The following LARGE1 variants were observed in gnomAD, a reference collection of about 807,000 sequenced individuals.
LARGE1 encodes the protein LARGE xylosyl- and glucuronyltransferase 1.
LARGE1 carries 43 observed loss-of-function variants against 87.6 expected under a neutral mutation model. The ratio of observed to expected loss-of-function variants is 0.49; its 90% CI spans 0.38 to 0.63. The LOEUF (loss-of-function observed/expected upper bound fraction) is 0.63. LARGE1 is among the 30% of genes least tolerant of loss of function. LARGE1 has a pLI of 0.00. For synonymous variants in LARGE1, 434 were observed against 394.6 expected (o/e 1.10, Z -1.18); for missense variants, 802 against 1,000.2 (o/e 0.80, Z 2.67).
At chr22:33,545,449 C>CACACAA (rs1173952096) in intron 6 of LARGE1, among the ~76,000 whole-genome samples, 147 of 138,702 alleles carry the variant, frequency 1.1e-3, no homozygotes, top group African/African-American at 3.5e-3. Flanking sequence ...CACACACACA[C>CACACAA]AATTTCTTCT....
intron 11 of LARGE1, among the ~76,000 whole-genome samples, chr22:33,180,746 A>G (rs1341185537): frequency 6.6e-6 from 1 of 152,198 alleles, no homozygotes; most frequent in African/African-American, 2.4e-5. Context: ...GGCAATTAAA[A>G]GGAATGTAGT....
intron 4 of LARGE1, among the ~76,000 whole-genome samples, chr22:33,608,749 C>T (rs1184366604): frequency 6.6e-6 from 1 of 152,162 alleles, no homozygotes; most frequent in East Asian, 1.9e-4. Flanking sequence ...GGAGTTTGGA[C>T]TATGTTCCAG....
intron 1 of LARGE1, among the ~76,000 whole-genome samples, chr22:33,870,623 C>T (rs1330396718): frequency 1.3e-5 from 2 of 152,102 alleles, no homozygotes; most frequent in African/African-American, 2.4e-5. Flanking sequence ...GGCTGGAGTA[C>T]AGTAGCGCAA....
chr22:33,594,498 T>A (rs1202131840), intron 5 of LARGE1, among the ~76,000 whole-genome samples: 2 of 152,196 alleles, frequency 1.3e-5, no homozygotes, highest in Non-Finnish European at 2.9e-5. Flanking sequence ...TCATCATAAT[T>A]TCCAGTTTAC....
intron 6 of LARGE1, among the ~76,000 whole-genome samples, chr22:33,534,888 C>T (rs1245541609): frequency 6.6e-6 from 1 of 152,222 alleles, no homozygotes; most frequent in African/African-American, 2.4e-5. Context: ...ACTGGCAGTG[C>T]TGAAATGCAG....
chr22:33,190,140 CA>C (rs1923699676), intron 11 of LARGE1, among the ~76,000 whole-genome samples: 1 of 150,810 alleles, frequency 6.6e-6, no homozygotes, highest in Non-Finnish European at 1.5e-5. Context: ...ACTGTATAAA[CA>C]AAACATTTTT....
chr22:33,836,911 T>G (rs374334783), intron 1 of LARGE1, among the ~76,000 whole-genome samples: 45 of 152,158 alleles, frequency 3.0e-4, no homozygotes, highest in African/African-American at 1.1e-3. Flanking sequence ...ATAAGCCAGT[T>G]CAGATAATAG....
chr22:33,735,217 T>C (rs1000985779), intron 2 of LARGE1, among the ~76,000 whole-genome samples: 2 of 152,180 alleles, frequency 1.3e-5, no homozygotes, highest in Admixed American at 6.5e-5. Flanking sequence ...CAAATTCCCA[T>C]GTATTTGATA....
intron 2 of LARGE1, among the ~76,000 whole-genome samples, chr22:33,731,475 G>T (rs1474815209): frequency 6.6e-6 from 1 of 152,186 alleles, no homozygotes; most frequent in Non-Finnish European, 1.5e-5. Context: ...CAGAGCTGTA[G>T]CAGGAAAAAG....
rs1054622160 is a variant in LARGE1, at chr22:33,331,561, C to G, written c.1287+6085G>C. ...TACCTGGGATTACAGACATGTGCCA[C>G]CATGCCCAGCTACTTTTTGTACTTT... On this transcript the variant is annotated intron_variant, in intron 10 of 14. Transcript: ENST00000397394. Among the ~76,000 whole-genome samples the G allele has an allele frequency of 2.0e-5, 3 of 152,186 alleles. No homozygotes were observed. The East Asian group carries it at 5.8e-4, about 29-fold the overall frequency.
chr22:33,277,171 C>A lies in LARGE1; in HGVS notation c.1962G>T (p.Glu654Asp). ...TATTPYRVEW[E>D]ADFEPYVVVR... ...CAACAACATACGGCTCAAAATCGGC[C>A]TCCCACTCAACCCGGTAAGGCGTGG... The change falls in exon 14 of 15, where the codon GAG becomes GAT. Residue 654 changes from glutamate to aspartate, a missense_variant. Glu to Asp is a conservative substitution (Grantham distance 45). This residue lies in a region of LARGE1 where 625 missense variants were observed against 841.9 expected (regional missense o/e 0.74). Coordinates refer to ENST00000397394, the MANE Select transcript of LARGE1 (RefSeq NM_133642.5). The A allele has an allele frequency of 6.2e-7, 1 of 1,614,262 alleles. No individual in the cohort carries two copies. The highest frequency in any genetic ancestry group is 8.5e-7 in the Non-Finnish European group (1 of 1,180,050).
At position 33,435,845 on chromosome 22, in the gene LARGE1, T is replaced by A. The variant is rs192990525; in HGVS notation, c.788-3580A>T. Among the ~76,000 whole-genome samples, 28 of 152,320 alleles carry A rather than the reference T, an allele frequency of 1.8e-4. No individual in the cohort carries two copies. In the East Asian group the frequency reaches 5.4e-3, roughly 29 times the overall value. Reference sequence around the variant, plus strand: ...ACGCCAATCCTCTTAAAAAATTCCTTAATTAGCAACATGATAGTTAGAACT... The same window carrying A: ...ACGCCAATCCTCTTAAAAAATTCCTAAATTAGCAACATGATAGTTAGAACT... On this transcript the variant is annotated intron_variant, in intron 6 of 14. Coordinates refer to ENST00000397394, the MANE Select transcript of LARGE1 (RefSeq NM_133642.5).
the LARGE1 span, among the ~76,000 whole-genome samples, chr22:33,127,207 C>A: frequency 6.6e-6 from 1 of 152,188 alleles, no homozygotes; most frequent in Admixed American, 6.5e-5. Context: ...CAGCCCAGCC[C>A]TCCCTAGCAC....
chr22:33,757,620 G>A (rs2084566928), intron 2 of LARGE1, among the ~76,000 whole-genome samples: 2 of 152,154 alleles, frequency 1.3e-5, no homozygotes, highest in African/African-American at 4.8e-5. Context: ...CTCAGAGGGA[G>A]TTCTTGGCTC....
chr22:33,241,457 A>T (rs1378228782), intron 11 of LARGE1, among the ~76,000 whole-genome samples: 2 of 152,116 alleles, frequency 1.3e-5, no homozygotes, highest in African/African-American at 4.8e-5. Context: ...CATTCATCAC[A>T]GAGCCTGGCA....
intron 1 of LARGE1, among the ~76,000 whole-genome samples, chr22:33,828,888 T>C (rs2062877018): frequency 6.6e-6 from 1 of 152,198 alleles, no homozygotes; most frequent in Non-Finnish European, 1.5e-5. Flanking sequence ...TCCGTGTACT[T>C]GCTATTCCCT....
the LARGE1 span, among the ~76,000 whole-genome samples, chr22:33,087,888 C>G: frequency 6.6e-6 from 1 of 152,126 alleles, no homozygotes; most frequent in East Asian, 1.9e-4. Flanking sequence ...GAGCCCAGAT[C>G]GTGCCACTGT....
chr22:33,738,582 G>A (rs190570392), intron 2 of LARGE1, among the ~76,000 whole-genome samples: 65 of 152,268 alleles, frequency 4.3e-4, no homozygotes, highest in Non-Finnish European at 6.6e-4. Context: ...TGCCAGGGCC[G>A]GGCGCGGTGG....
chr22:33,781,246 C>G (rs1448627011), intron 1 of LARGE1, among the ~76,000 whole-genome samples: 3 of 152,166 alleles, frequency 2.0e-5, no homozygotes, highest in Non-Finnish European at 4.4e-5. Context: ...CACCTGTAAT[C>G]CCAGCACTTT....
Sources: gnomAD v4.1 joint callset for allele counts (sites outside exome capture counted in the v4.1 genomes callset) on GRCh38, gnomAD v4.1.1 for gene constraint, gnomAD v4.1.1 regional missense constraint, MANE v1.5 for transcripts, NCBI Gene and HGNC (gene_info 2026-07-23, HGNC 2026-07-21) for gene names.